SATL1: variants seen among roughly 807,000 people sequenced by gnomAD.
SATL1 encodes the protein spermidine/spermine N(1)-acetyltransferase-like protein 1.
Under a neutral mutation model 51.8 loss-of-function variants are expected in SATL1, and 47 were observed. The observed-to-expected ratio is 0.91, with a 90% CI of 0.72 to 1.16. The LOEUF (loss-of-function observed/expected upper bound fraction) is 1.16, where lower values mean the gene tolerates loss of function less well. Ranked by LOEUF, SATL1 falls within the 50% of genes most tolerant of loss-of-function variation. The pLI is 0.00. For missense variants in SATL1, 520 were observed against 526.4 expected, an observed-to-expected ratio of 0.99 and a Z score of 0.12; for synonymous variants, 176 against 182.4, an observed-to-expected ratio of 0.97 and a Z score of 0.28.
At chrX:85,199,816 T>A (rs1414651692) in intron 2 of SATL1, among the ~76,000 whole-genome samples, 1 of 111,569 alleles carries the variant, frequency 9.0e-6, no homozygotes, top group Non-Finnish European at 1.9e-5. Context: ...AGGGTAGTGG[T>A]TGGGGGATTG....
At chrX:85,099,420 C>A (rs768657690) in intron 4 of SATL1, among the ~76,000 whole-genome samples, 148 of 111,668 alleles carry the variant, frequency 1.3e-3, no homozygotes, top group African/African-American at 4.6e-3. Context: ...GTCAGCATTA[C>A]TCTGATTCCA....
chrX:85,197,516 C>T (rs1927593563), intron 2 of SATL1, among the ~76,000 whole-genome samples: 1 of 103,125 alleles, frequency 9.7e-6, no homozygotes, highest in Non-Finnish European at 2.0e-5. Context: ...TATTATTGTA[C>T]TTTAAGTTTT....
At chrX:85,210,198 C>G (rs1467185367) in intron 2 of SATL1, 1 of 107,778 alleles carries the variant, frequency 9.3e-6, no homozygotes, top group Non-Finnish European at 1.9e-5. Flanking sequence ...GAGTGCCACA[C>G]TCTTATAGCC....
intron 2 of SATL1, among the ~76,000 whole-genome samples, chrX:85,168,024 A>C (rs1424176519): frequency 1.1e-5 from 1 of 88,726 alleles, no homozygotes; most frequent in Admixed American, 1.1e-4. Context: ...ACTAAGAACA[A>C]AAAAAAAAAC....
In SATL1 at chrX:85,109,000, A is replaced by T; in HGVS notation, c.-32T>A. ...TTGATTCCTGCTTTGTTGACTAAGGATGGGGTGGCAGATGATGGGTTGGCA... is the reference window on the plus strand; with the variant it reads ...TTGATTCCTGCTTTGTTGACTAAGGTTGGGGTGGCAGATGATGGGTTGGCA... On this transcript the variant is annotated 5_prime_UTR_variant, in exon 3 of 8. Coordinates refer to ENST00000644105, the MANE Select transcript of SATL1 (RefSeq NM_001367857.2). The T allele has an allele frequency of 8.7e-7, 1 of 1,151,408 alleles. No individual in the cohort carries two copies. The highest frequency in any genetic ancestry group is 2.5e-5 in the Admixed American group (1 of 40,447). 94.9% of individuals were successfully genotyped at this position (1,151,408 alleles called of 1,213,427 possible). A position where few individuals can be genotyped will look rare whatever the true frequency, so the allele number is the denominator to read the frequency against.
intron 1 of SATL1, among the ~76,000 whole-genome samples, chrX:85,226,873 A>AT (rs1015080667): frequency 9.0e-6 from 1 of 111,119 alleles, no homozygotes; most frequent in African/African-American, 3.3e-5. Context: ...TTCAACCTTT[A>AT]TAAGATATGC....
At position 85,107,617 on chromosome X, in the gene SATL1, G is replaced by A. The variant is rs1925091141; in HGVS notation, c.1352C>T (p.Pro451Leu). The change falls in exon 3 of 8, where the codon CCC (proline) becomes CTC (leucine). Residue 451 changes from proline to leucine, a missense_variant. This residue lies in a region of SATL1 where 488 missense variants were observed against 474.3 expected (regional missense o/e 1.03). Coordinates refer to ENST00000644105, the MANE Select transcript of SATL1 (RefSeq NM_001367857.2). ...TGGTTGTCTCATGCCTAGTTGGCTGGGGACTTGCTGGCTCATGCCTGGTTG... is the reference window on the plus strand; with the variant it reads ...TGGTTGTCTCATGCCTAGTTGGCTGAGGACTTGCTGGCTCATGCCTGGTTG... ...MWQPGMSQQVPSQLGMRQPGT... is the reference protein window; with the variant it reads ...MWQPGMSQQVLSQLGMRQPGT... 6 of 1,210,769 alleles carry A rather than the reference G, an allele frequency of 5.0e-6. No individual in the cohort carries two copies. Among genetic ancestry groups the A allele is most frequent in the Non-Finnish European group, 6.7e-6 (6 of 895,395 alleles).
At chrX:85,103,000 T>C (rs1277787091) in intron 4 of SATL1, among the ~76,000 whole-genome samples, 3 of 111,584 alleles carry the variant, frequency 2.7e-5, no homozygotes, top group African/African-American at 3.3e-5. Flanking sequence ...ACTGCTTTCA[T>C]AGAGTGTACA....
intron 2 of SATL1, among the ~76,000 whole-genome samples, chrX:85,145,923 G>A (rs1224814360): frequency 3.9e-5 from 4 of 101,618 alleles, no homozygotes; most frequent in African/African-American, 1.5e-4. Context: ...TTGAGACAGA[G>A]TCTCGCTCTG....
chrX:85,132,304 G>T (rs1925827769), intron 2 of SATL1, among the ~76,000 whole-genome samples: 1 of 111,212 alleles, frequency 9.0e-6, no homozygotes, highest in African/African-American at 3.3e-5. Context: ...TGTAGATTTG[G>T]TCTTTTCAAT....
At chrX:85,154,418 A>C (rs1926538266) in intron 2 of SATL1, among the ~76,000 whole-genome samples, 1 of 111,533 alleles carries the variant, frequency 9.0e-6, no homozygotes. Flanking sequence ...CTAATCTATA[A>C]TATAGAAATT....
chrX:85,223,053 T>C (rs1216590867), intron 2 of SATL1, among the ~76,000 whole-genome samples: 1 of 112,050 alleles, frequency 8.9e-6, no homozygotes, highest in Non-Finnish European at 1.9e-5. Flanking sequence ...GAAGGAATAT[T>C]CATCCCTTCT....
intron 2 of SATL1, among the ~76,000 whole-genome samples, chrX:85,140,326 G>C (rs1283336040): frequency 1.8e-5 from 2 of 111,659 alleles, no homozygotes; most frequent in Non-Finnish European, 3.8e-5. Flanking sequence ...CTATGTGCCA[G>C]GTAAATGTTT....
intron 2 of SATL1, among the ~76,000 whole-genome samples, chrX:85,118,989 A>T (rs1281957828): frequency 8.9e-6 from 1 of 112,022 alleles, no homozygotes; most frequent in Non-Finnish European, 1.9e-5. Flanking sequence ...TAATATTTCA[A>T]AAAATTATTA....
chrX:85,096,849 A>C (rs965134308), intron 4 of SATL1, among the ~76,000 whole-genome samples: 63 of 80,224 alleles, frequency 7.9e-4, no homozygotes, highest in African/African-American at 1.3e-3. Flanking sequence ...AACACCCCCC[A>C]CCCCAGCCCC....
chrX:85,184,971 G>T (rs1450618457), intron 2 of SATL1, among the ~76,000 whole-genome samples: 1 of 111,521 alleles, frequency 9.0e-6, no homozygotes, highest in African/African-American at 3.3e-5. Context: ...ATCCTTTTTG[G>T]CAAGATTTTC....
intron 2 of SATL1, among the ~76,000 whole-genome samples, chrX:85,115,906 G>A (rs1443596095): frequency 1.5e-5 from 1 of 66,089 alleles, no homozygotes; most frequent in African/African-American, 7.6e-5. Flanking sequence ...ACCCCTGAAA[G>A]CCACACATCA....
intron 1 of SATL1, among the ~76,000 whole-genome samples, chrX:85,228,628 C>CA (rs1412833438): frequency 9.0e-6 from 1 of 111,599 alleles, no homozygotes; most frequent in Non-Finnish European, 1.9e-5. Flanking sequence ...CTCAATGTTG[C>CA]AAAATCCAAT....
intron 2 of SATL1, among the ~76,000 whole-genome samples, chrX:85,215,496 T>G (rs1179153937): frequency 1.8e-5 from 2 of 112,135 alleles, no homozygotes; most frequent in African/African-American, 3.2e-5. Flanking sequence ...TAATCATAAA[T>G]TTCAACTTTA....
Sources: allele counts gnomAD v4.1 joint callset (sites outside exome capture counted in the v4.1 genomes callset), GRCh38; gene constraint gnomAD v4.1.1; regional missense constraint gnomAD v4.1.1; transcripts MANE v1.5; gene names NCBI Gene and HGNC (gene_info 2026-07-23, HGNC 2026-07-21).